CTNNA3: variants seen among roughly 807,000 people sequenced by gnomAD.
CTNNA3 encodes catenin alpha-3.
A neutral mutation model predicts 95.7 loss-of-function variants in CTNNA3; 76 were observed. The ratio of observed to expected loss-of-function variants is 0.79; its 90% CI spans 0.66 to 0.96. The LOEUF (loss-of-function observed/expected upper bound fraction) is 0.96, where lower values mean the gene tolerates loss of function less well. Ranked by LOEUF, CTNNA3 falls within the 40% of genes least tolerant of loss-of-function variation. The pLI, the probability that CTNNA3 is intolerant of heterozygous loss-of-function variation, is 0.00. For synonymous variants in CTNNA3, 431 were observed against 374.4 expected (o/e 1.15, Z -1.74); for missense variants, 1,191 against 1,089.8 (o/e 1.09, Z -1.31).
chr10:66,914,397 C>T (rs1846377887), intron 7 of CTNNA3, among the ~76,000 whole-genome samples: 2 of 151,950 alleles, frequency 1.3e-5, no homozygotes, highest in South Asian at 4.2e-4. Flanking sequence ...TACTTTCTAT[C>T]AGTTTTTAGT....
intron 8 of CTNNA3, among the ~76,000 whole-genome samples, chr10:66,772,369 G>A (rs572471991): frequency 2.0e-5 from 3 of 147,498 alleles, no homozygotes; most frequent in African/African-American, 5.0e-5. Flanking sequence ...AGGTTGCAAC[G>A]AGCCGAGATC....
At chr10:67,188,271 C>T (rs1250530757) in intron 6 of CTNNA3, among the ~76,000 whole-genome samples, 3 of 152,124 alleles carry the variant, frequency 2.0e-5, no homozygotes, top group African/African-American at 7.2e-5. Flanking sequence ...ACAGATGAGC[C>T]AATTGCTTGA....
intron 7 of CTNNA3, among the ~76,000 whole-genome samples, chr10:66,923,020 C>A (rs895385051): frequency 6.6e-6 from 1 of 152,104 alleles, no homozygotes; most frequent in African/African-American, 2.4e-5. Flanking sequence ...ACTATAGTCA[C>A]CCCATTGTGC....
At chr10:67,115,551 G>A (rs1719258322) in intron 7 of CTNNA3, among the ~76,000 whole-genome samples, 1 of 151,612 alleles carries the variant, frequency 6.6e-6, no homozygotes, top group South Asian at 2.1e-4. Context: ...CATGATACAA[G>A]TATCAAAGGA....
intron 13 of CTNNA3, among the ~76,000 whole-genome samples, chr10:66,148,537 A>C (rs1393309115): frequency 2.6e-5 from 4 of 151,994 alleles, no homozygotes; most frequent in African/African-American, 4.8e-5. Flanking sequence ...CCTTTGGCTC[A>C]TTCTGCCAGA....
At chr10:66,073,951 T>A (rs2080494468) in intron 14 of CTNNA3, among the ~76,000 whole-genome samples, 1 of 152,074 alleles carries the variant, frequency 6.6e-6, no homozygotes, top group African/African-American at 2.4e-5. Context: ...CCTACACTCA[T>A]ATCAAGAAAC....
At chr10:67,753,683 G>A (rs902936870) in intron 1 of CTNNA3, among the ~76,000 whole-genome samples, 1 of 152,086 alleles carries the variant, frequency 6.6e-6, no homozygotes, top group Non-Finnish European at 1.5e-5. Context: ...CTCAAAAGAA[G>A]ACATTTACGT....
In CTNNA3 at chr10:67,228,353, G is replaced by A. The variant is rs576101006; in HGVS notation, c.580-8483C>T. The stretch of plus-strand genomic sequence containing the variant: ...AGATAGGCCAAGCACAGTGGCTCAC[G>A]CCGGTAATCCCAGCACTTTGGGAGA... On this transcript the variant is annotated intron_variant, in intron 5 of 17. Transcript: ENST00000433211. Among the ~76,000 whole-genome samples the A allele has an allele frequency of 9.9e-5, 15 of 152,200 alleles. No individual in the cohort carries two copies. In the South Asian group the frequency reaches 1.7e-3, roughly 17 times the overall value.
chr10:66,634,795 T>A (rs1406015062), intron 9 of CTNNA3, among the ~76,000 whole-genome samples: 1 of 152,096 alleles, frequency 6.6e-6, no homozygotes, highest in Non-Finnish European at 1.5e-5. Flanking sequence ...TATGTCAACA[T>A]TGTTCTGAAA....
chr10:66,161,947 G>A (rs1165274386), intron 13 of CTNNA3, among the ~76,000 whole-genome samples: 1 of 151,992 alleles, frequency 6.6e-6, no homozygotes, highest in Non-Finnish European at 1.5e-5. Flanking sequence ...CAAAGACCTT[G>A]TCTTTCAGCT....
chr10:66,405,926 T>C (rs1399170053), intron 11 of CTNNA3, among the ~76,000 whole-genome samples: 3 of 152,096 alleles, frequency 2.0e-5, no homozygotes, highest in Non-Finnish European at 4.4e-5. Flanking sequence ...AGGGTGGAAA[T>C]AGTCATATTT....
chr10:66,886,549 A>C (rs543322994), intron 7 of CTNNA3, among the ~76,000 whole-genome samples: 1 of 152,228 alleles, frequency 6.6e-6, no homozygotes, highest in East Asian at 1.9e-4. Context: ...TTTCACTGTT[A>C]TCTGCTCATA....
intron 7 of CTNNA3, among the ~76,000 whole-genome samples, chr10:66,963,056 C>T (rs12252522): frequency 0.019 from 2,828 of 152,260 alleles, 78 homozygotes; most frequent in African/African-American, 0.065. Flanking sequence ...GTAAGACTCA[C>T]ACATACTTCT....
intron 12 of CTNNA3, among the ~76,000 whole-genome samples, chr10:66,363,686 C>T (rs534939750): frequency 2.6e-5 from 4 of 152,084 alleles, no homozygotes; most frequent in Non-Finnish European, 4.4e-5. Flanking sequence ...TTTGTCAGAA[C>T]AAAATACAAA....
chr10:66,254,364 G>A (rs1355711602), intron 13 of CTNNA3, among the ~76,000 whole-genome samples: 6 of 152,048 alleles, frequency 3.9e-5, no homozygotes, highest in Non-Finnish European at 8.8e-5. Flanking sequence ...AACTCATTGT[G>A]CAACCCTTGC....
chr10:67,567,624 G>C (rs112214335), intron 3 of CTNNA3, among the ~76,000 whole-genome samples: 2,512 of 152,146 alleles, frequency 0.017, 76 homozygotes, highest in African/African-American at 0.055. Flanking sequence ...TGAATTATCT[G>C]GAGCTTGAAT....
intron 10 of CTNNA3, among the ~76,000 whole-genome samples, chr10:66,601,249 A>G (rs1843912219): frequency 6.6e-6 from 1 of 151,880 alleles, no homozygotes; most frequent in African/African-American, 2.4e-5. Flanking sequence ...ACTTTAATTT[A>G]GCATTCAACG....
intron 2 of CTNNA3, among the ~76,000 whole-genome samples, chr10:67,630,059 T>G (rs1440433326): frequency 6.6e-6 from 1 of 152,162 alleles, no homozygotes; most frequent in African/African-American, 2.4e-5. Context: ...ACAGGGTTCT[T>G]GCCAACCTAT....
intron 7 of CTNNA3, among the ~76,000 whole-genome samples, chr10:67,175,942 A>G (rs4746673): frequency 0.37 from 55,605 of 152,032 alleles, 14,575 homozygotes; most frequent in African/African-American, 0.75. Context: ...CCCCATTTAT[A>G]AAAAAATTCC....
Sources: allele counts gnomAD v4.1 joint callset (sites outside exome capture counted in the v4.1 genomes callset), GRCh38; gene constraint gnomAD v4.1.1; transcripts MANE v1.5; gene names NCBI Gene and HGNC (gene_info 2026-07-23, HGNC 2026-07-21).